Variants in PIBF1 observed in about 807,000 individuals in gnomAD.
PIBF1 encodes progesterone-induced-blocking factor 1.
PIBF1 carries 90 observed loss-of-function variants against 112.5 expected under a neutral mutation model. That is an observed-to-expected ratio of 0.80 (90% confidence interval 0.67 to 0.95). The LOEUF (loss-of-function observed/expected upper bound fraction) is 0.95, where lower values mean the gene tolerates loss of function less well. Among genes scored for constraint, PIBF1 ranks in the 40% least tolerant of loss-of-function variants. PIBF1 has a pLI of 0.00. For missense variants in PIBF1, 915 were observed against 852.3 expected, an observed-to-expected ratio of 1.07 and a Z score of -0.92; for synonymous variants, 301 against 288.6, an observed-to-expected ratio of 1.04 and a Z score of -0.44.
chr13:72,827,833 A>G lies in PIBF1; in HGVS notation c.1016A>G (p.Asp339Gly). Residue 339 changes from aspartate (D) to glycine (G), a missense_variant, in exon 8 of 18, where the codon GAT becomes GGT. Asp to Gly is a moderately conservative substitution (Grantham distance 94). Coordinates refer to ENST00000326291, the MANE Select transcript of PIBF1 (RefSeq NM_006346.4). ...ELSVRCAHEE[D>G]RLERLQAQLE... The stretch of plus-strand genomic sequence containing the variant: ...AGTGTTCGCTGTGCTCATGAAGAGG[A>G]TCGCCTTGAAAGACTTCAAGCTCAA... 2 of 1,602,672 alleles carry G rather than the reference A, an allele frequency of 1.2e-6. No individual in the cohort carries two copies. The highest frequency in any genetic ancestry group is 2.3e-5 in the South Asian group (2 of 88,180).
intron 5 of PIBF1, among the ~76,000 whole-genome samples, chr13:72,817,919 G>A (rs1451673250): frequency 6.6e-6 from 1 of 152,078 alleles, no homozygotes; most frequent in Admixed American, 6.5e-5. Context: ...AAATACGAAA[G>A]TAATAATTTC....
intron 13 of PIBF1, among the ~76,000 whole-genome samples, chr13:72,927,966 T>TATATACACAC (rs1555316890): frequency 5.0e-5 from 5 of 99,432 alleles, no homozygotes; most frequent in African/African-American, 3.3e-4. Context: ...TATACACATA[T>TATATACACAC]ATATATATAT....
chr13:72,790,502 CACACACACATAG>C lies in PIBF1; in HGVS notation c.253-1943_253-1932del, dbSNP rs1566271827. ...CACACACACCCTTATAGATAGATCA[CACACACACATAG>C]ATAGATAGATAGATAGATAGATAGA... On this transcript the variant is annotated intron_variant, in intron 2 of 17. Transcript: ENST00000326291. Among the ~76,000 whole-genome samples the C allele has an allele frequency of 1.3e-3, 177 of 140,964 alleles. 1 individual carries two copies. The highest frequency in any genetic ancestry group is 4.4e-3 in the African/African-American group (162 of 36,708). The allele number at this position is 140,964 out of a possible 152,430, so 92.5% of individuals were successfully genotyped here.
intron 6 of PIBF1, among the ~76,000 whole-genome samples, chr13:72,823,677 A>G (rs572452676): frequency 3.3e-5 from 5 of 152,314 alleles, no homozygotes; most frequent in African/African-American, 1.2e-4. Flanking sequence ...CAGAATGGAA[A>G]ATAAATTGAG....
At chr13:72,977,254 G>T (rs1041651913) in intron 16 of PIBF1, among the ~76,000 whole-genome samples, 8 of 152,122 alleles carry the variant, frequency 5.3e-5, no homozygotes, top group Admixed American at 6.5e-5. Context: ...ACCCAGGCTG[G>T]AGTGCAGTGG....
intron 14 of PIBF1, among the ~76,000 whole-genome samples, chr13:72,952,525 T>A (rs1395864553): frequency 6.6e-6 from 1 of 152,174 alleles, no homozygotes; most frequent in African/African-American, 2.4e-5. Context: ...TGTTATATAA[T>A]CCCGTTTTTT....
rs199831981 is a variant in PIBF1, at chr13:72,811,608, A to AAAAG, written c.673-10240_673-10239insAAGA. Among the ~76,000 whole-genome samples, 224 of 139,702 alleles carry AAAAG rather than the reference A, an allele frequency of 1.6e-3. 4 individuals are homozygous for AAAAG. Among genetic ancestry groups the AAAAG allele is most frequent in the African/African-American group, 4.1e-3 (147 of 35,670 alleles). 91.6% of individuals were successfully genotyped at this position (139,702 alleles called of 152,430 possible). A position where few individuals can be genotyped will look rare whatever the true frequency, so the allele number is the denominator to read the frequency against. ...AAAACTCCGTCTCAAAAAAAAAAAA[A>AAAAG]AGAGAGAGAAATGTATATATTAATG... On this transcript the variant is annotated intron_variant, in intron 5 of 17. Transcript: ENST00000326291.
At chr13:72,926,466 G>A (rs2041486841) in intron 13 of PIBF1, among the ~76,000 whole-genome samples, 1 of 152,086 alleles carries the variant, frequency 6.6e-6, no homozygotes, top group Non-Finnish European at 1.5e-5. Context: ...AAGACCACTG[G>A]TCTAGATTAT....
chr13:72,969,514 AGT>A (rs2042835372), intron 15 of PIBF1: 1 of 152,218 alleles, frequency 6.6e-6, no homozygotes, highest in Admixed American at 6.5e-5. Flanking sequence ...TACTTTCAGT[AGT>A]TTAATTACAA....
chr13:72,828,090 G>T (rs1340759959), intron 8 of PIBF1, among the ~76,000 whole-genome samples, 176 bp downstream of exon 8: 4 of 143,876 alleles, frequency 2.8e-5, no homozygotes, highest in Non-Finnish European at 4.6e-5. Context: ...TGACATTTCT[G>T]CTTTCTGTTT....
chr13:72,923,934 AGC>A (rs1307403455), intron 13 of PIBF1, among the ~76,000 whole-genome samples: 1 of 152,244 alleles, frequency 6.6e-6, no homozygotes, highest in East Asian at 1.9e-4. Context: ...ATTGCACTCC[AGC>A]TTGGGCGACA....
At chr13:72,910,198 G>A (rs559277890) in intron 12 of PIBF1, among the ~76,000 whole-genome samples, 3 of 152,240 alleles carry the variant, frequency 2.0e-5, no homozygotes, top group African/African-American at 7.2e-5. Flanking sequence ...AACTGCAATA[G>A]ATTTTAAATT....
At chr13:72,800,151 T>G (rs2035398013) in intron 5 of PIBF1, among the ~76,000 whole-genome samples, 2 of 152,210 alleles carry the variant, frequency 1.3e-5, no homozygotes, top group Non-Finnish European at 2.9e-5. Flanking sequence ...TTCTCGTGCT[T>G]TAGCCTCCCC....
At chr13:72,809,076 C>T (rs2035876095) in intron 5 of PIBF1, among the ~76,000 whole-genome samples, 1 of 140,732 alleles carries the variant, frequency 7.1e-6, no homozygotes, top group Admixed American at 7.2e-5. Context: ...CTTTATGGAT[C>T]TTTCTTATCC....
At chr13:72,928,495 G>C (rs2041604047) in intron 13 of PIBF1, among the ~76,000 whole-genome samples, 1 of 152,060 alleles carries the variant, frequency 6.6e-6, no homozygotes, top group Non-Finnish European at 1.5e-5. Context: ...GCTGGAGTGT[G>C]ATGGCACCAT....
At chr13:72,937,531 A>T (rs1386680338) in intron 14 of PIBF1, among the ~76,000 whole-genome samples, 1 of 152,184 alleles carries the variant, frequency 6.6e-6, no homozygotes, top group Non-Finnish European at 1.5e-5. Flanking sequence ...TTAAACAGTG[A>T]TAATCAGGCT....
intron 16 of PIBF1, among the ~76,000 whole-genome samples, chr13:72,998,169 G>A (rs1473995966): frequency 6.6e-6 from 1 of 152,178 alleles, no homozygotes; most frequent in Admixed American, 6.5e-5. Flanking sequence ...AAATGCGACA[G>A]TTTAAAAGAA....
chr13:72,790,442 C>T (rs1256127197), intron 2 of PIBF1, among the ~76,000 whole-genome samples: 1 of 149,048 alleles, frequency 6.7e-6, no homozygotes, highest in East Asian at 1.9e-4. Flanking sequence ...CACACACACA[C>T]ACACACACAC....
chr13:72,992,565 A>G (rs1043542534), intron 16 of PIBF1, among the ~76,000 whole-genome samples: 2 of 152,212 alleles, frequency 1.3e-5, no homozygotes, highest in African/African-American at 4.8e-5. Flanking sequence ...ATGCCGAGGC[A>G]GGCAGATCAC....
Sources: allele counts gnomAD v4.1 joint callset (sites outside exome capture counted in the v4.1 genomes callset), GRCh38; gene constraint gnomAD v4.1.1; transcripts MANE v1.5; gene names NCBI Gene and HGNC (gene_info 2026-07-23, HGNC 2026-07-21).